Variants in USP42 observed in about 807,000 individuals in gnomAD.
USP42 encodes the protein ubiquitin specific peptidase 42.
In USP42, 23 loss-of-function variants were observed where a neutral mutation model predicts 113.0. The ratio of observed to expected loss-of-function variants is 0.20; its 90% confidence interval spans 0.15 to 0.29. The LOEUF (loss-of-function observed/expected upper bound fraction) is 0.29, where lower values mean the gene tolerates loss of function less well. Among genes scored for constraint, USP42 ranks in the 10% least tolerant of loss-of-function variants. The pLI is 1.00. For missense variants in USP42, 2,174 were observed against 1,779.8 expected, an observed-to-expected ratio of 1.22 and a Z score of -3.99; for synonymous variants, 933 against 699.0, an observed-to-expected ratio of 1.33 and a Z score of -5.28.
Position 6,150,100 on chromosome 7 carries a change from A to T in USP42, c.1904A>T (p.His635Leu). 1 of 1,611,064 alleles carries T rather than the reference A, an allele frequency of 6.2e-7. No individual in the cohort carries two copies. The highest frequency in any genetic ancestry group is 8.5e-7 in the Non-Finnish European group (1 of 1,178,628). Residue 635 changes from histidine to leucine, a missense_variant, in exon 13 of 18, where the codon CAC becomes CTC. Coordinates refer to ENST00000306177, the MANE Select transcript of USP42 (RefSeq NM_032172.3). ...GGGATTGGTACGATTGTGAGCTCCC[A>T]CTCTCCCGGCCAAGATGCCGAAGAT... ...ENGIGTIVSS[H>L]SPGQDAEDEE...
chr7:6,117,424 A>G (rs1025650866), intron 3 of USP42, among the ~76,000 whole-genome samples: 6 of 152,276 alleles, frequency 3.9e-5, no homozygotes, highest in Non-Finnish European at 5.9e-5. Context: ...GCTAGATCAC[A>G]ATTTGTTTCT....
intron 2 of USP42, among the ~76,000 whole-genome samples, chr7:6,114,482 C>T (rs1442875498): frequency 1.3e-5 from 2 of 151,502 alleles, no homozygotes; most frequent in East Asian, 3.9e-4. Flanking sequence ...AAATCCAATA[C>T]TTCATCTTTC....
chr7:6,082,987 A>C, the USP42 span, among the ~76,000 whole-genome samples: 1 of 147,970 alleles, frequency 6.8e-6, no homozygotes, highest in Non-Finnish European at 1.5e-5. Flanking sequence ...TTTGAGATGG[A>C]GTCTCGGCTC....
At chr7:6,104,889 C>G (rs186647247), upstream of USP42, 2 of 146,716 alleles carry the variant, frequency 1.4e-5, no homozygotes, top group African/African-American at 2.5e-5. Flanking sequence ...CCCGGAGGGG[C>G]GCGGCGGGCG....
chr7:6,113,644 C>T (rs924898168), intron 2 of USP42, among the ~76,000 whole-genome samples: 4 of 151,130 alleles, frequency 2.6e-5, no homozygotes, highest in African/African-American at 4.9e-5. Flanking sequence ...TTTTTTGAGA[C>T]GAAGTCTCTC....
chr7:6,106,599 C>T (rs1012931729), intron 1 of USP42, among the ~76,000 whole-genome samples: 2 of 152,190 alleles, frequency 1.3e-5, no homozygotes, highest in Admixed American at 1.3e-4. Flanking sequence ...AGATCTCCCT[C>T]TGCTGCCTAG....
chr7:6,148,620 C>T (rs1781854453), intron 12 of USP42, among the ~76,000 whole-genome samples: 2 of 152,184 alleles, frequency 1.3e-5, no homozygotes, highest in Non-Finnish European at 2.9e-5. Flanking sequence ...CCTGTTGGTC[C>T]TGTCGGGGCG....
chr7:6,088,350 G>A, the USP42 span, among the ~76,000 whole-genome samples: 1 of 150,898 alleles, frequency 6.6e-6, no homozygotes, highest in Non-Finnish European at 1.5e-5. Flanking sequence ...CTGCCTCCCA[G>A]GTTCAAGAGA....
intron 3 of USP42, among the ~76,000 whole-genome samples, chr7:6,127,274 A>G (rs2128491944): frequency 6.6e-6 from 1 of 152,280 alleles, no homozygotes; most frequent in African/African-American, 2.4e-5. Flanking sequence ...TGTTTTACAG[A>G]CAGAGGTTTT....
the USP42 span, among the ~76,000 whole-genome samples, chr7:6,099,627 T>C: frequency 1.3e-5 from 2 of 150,502 alleles, no homozygotes; most frequent in Non-Finnish European, 2.9e-5. Context: ...GGATTACAGG[T>C]GTGAGCCACC....
chr7:6,154,317 C>T lies in USP42; in HGVS notation c.2763C>T (p.Gly921=), dbSNP rs186924738. Residue 921 remains glycine (G), a synonymous_variant, in exon 15 of 18, where the codon GGC becomes GGT. Transcript: ENST00000306177. Reference sequence around the variant, plus strand: ...AAGGGGACGCTGAGCCTAGCCCCGGCGAGAGGGTCGAGGACGCCGCGGCGC... The same window carrying T: ...AAGGGGACGCTGAGCCTAGCCCCGGTGAGAGGGTCGAGGACGCCGCGGCGC... ...HPEGDAEPSP[G]ERVEDAAAPK... The T allele has an allele frequency of 8.2e-6, 13 of 1,576,752 alleles. No homozygotes were observed. The Admixed American group carries it at 1.7e-4, about 20-fold the overall frequency.
the USP42 span, among the ~76,000 whole-genome samples, chr7:6,086,818 C>T: frequency 1.3e-5 from 2 of 150,554 alleles, no homozygotes; most frequent in African/African-American, 5.0e-5. Flanking sequence ...CCTCTGTCTC[C>T]CAGTTCAAGC....
chr7:6,140,781 T>G (rs1781387495), intron 6 of USP42, 133 bp from the exon 7 acceptor site: 1 of 598,730 alleles, frequency 1.7e-6, no homozygotes, highest in Admixed American at 3.6e-5. Flanking sequence ...ATTTAAAACT[T>G]TTTTTGTTCA....
Position 6,154,783 on chromosome 7 carries a change from T to G in USP42, c.3229T>G (p.Phe1077Val), listed in dbSNP as rs1364481900. ...GTACGCTGCCCGGGACTGGAAGCCC[T>G]TCCACGGCGGCCGCGAGCACGAGCG... ...ALYAARDWKP[F>V]HGGREHERAG... Residue 1077 changes from phenylalanine to valine, a missense_variant, in exon 15 of 18, where the codon TTC becomes GTC. Coordinates refer to ENST00000306177, the MANE Select transcript of USP42 (RefSeq NM_032172.3). 2 of 1,550,152 alleles carry G rather than the reference T, an allele frequency of 1.3e-6. No individual in the cohort carries two copies. Among genetic ancestry groups the G allele is most frequent in the Admixed American group, 2.0e-5 (1 of 50,966 alleles).
At chr7:6,107,713 C>T (rs994759519) in intron 1 of USP42, among the ~76,000 whole-genome samples, 1 of 152,022 alleles carries the variant, frequency 6.6e-6, no homozygotes, top group Non-Finnish European at 1.5e-5. Context: ...CCGGCCTCTT[C>T]TTTCTTTTTT....
rs1216075189 is a variant in USP42 at position 6,154,531 on chromosome 7, C to A, written c.2977C>A (p.Arg993Ser). 34 of 1,542,246 alleles carry A rather than the reference C, an allele frequency of 2.2e-5. 1 individual carries two copies. The highest frequency in any genetic ancestry group is 3.6e-5 in the South Asian group (3 of 83,684). ...CCCCCGGGAGCGCGACCGCCAGGAC[C>A]GCCACGCCCCGGAGCACCACCCCGG... is the stretch of plus-strand genomic sequence containing the variant. ...TCPRERDRQD[R>S]HAPEHHPGHG... The change falls in exon 15 of 18, where the codon CGC becomes AGC. Residue 993 changes from arginine (R) to serine (S), a missense_variant. Arg to Ser is a moderately radical substitution (Grantham distance 110). Coordinates refer to ENST00000306177, the MANE Select transcript of USP42 (RefSeq NM_032172.3).
chr7:6,143,252 C>G (rs565169633), intron 8 of USP42, among the ~76,000 whole-genome samples: 4 of 152,190 alleles, frequency 2.6e-5, no homozygotes, highest in African/African-American at 9.6e-5. Flanking sequence ...TGGGCAGATT[C>G]GGTGGGAGGA....
chr7:6,106,275 T>G (rs572878951), intron 1 of USP42, among the ~76,000 whole-genome samples: 1 of 152,250 alleles, frequency 6.6e-6, no homozygotes, highest in Non-Finnish European at 1.5e-5. Context: ...TTTTCTCTTA[T>G]AACGGAAATG....
chr7:6,082,741 G>C, the USP42 span, among the ~76,000 whole-genome samples: 1 of 146,082 alleles, frequency 6.8e-6, no homozygotes, highest in Admixed American at 7.0e-5. Flanking sequence ...CTCCGTAGTA[G>C]CTGGGACCAC....
Sources: allele counts gnomAD v4.1 joint callset (sites outside exome capture counted in the v4.1 genomes callset), GRCh38; gene constraint gnomAD v4.1.1; transcripts MANE v1.5; gene names NCBI Gene and HGNC (gene_info 2026-07-23, HGNC 2026-07-21).